The following CADM2 variants were observed in gnomAD, a reference collection of about 807,000 sequenced individuals.
CADM2 encodes the protein immunoglobulin superfamily member 4D.
A neutral mutation model predicts 49.8 loss-of-function variants in CADM2; 12 were observed. That is an observed-to-expected ratio of 0.24 (90% confidence interval 0.15 to 0.39). CADM2 has a LOEUF of 0.39. CADM2 is among the 10% of genes least tolerant of loss of function. The pLI is 1.00. For synonymous variants in CADM2, 214 were observed against 175.4 expected (o/e 1.22, Z -1.74); for missense variants, 378 against 492.3 (o/e 0.77, Z 2.20).
At chr3:85,660,440 GTTT>G (rs10713157) in intron 1 of CADM2, among the ~76,000 whole-genome samples, 4 of 143,094 alleles carry the variant, frequency 2.8e-5, no homozygotes, top group Admixed American at 7.0e-5. Context: ...TCGCTCTCCT[GTTT>G]TTTTTTTTTT....
intron 1 of CADM2, among the ~76,000 whole-genome samples, chr3:85,014,530 G>C (rs1391714665): frequency 6.6e-6 from 1 of 152,140 alleles, no homozygotes; most frequent in African/African-American, 2.4e-5. Flanking sequence ...GCATCTCCTG[G>C]AGGGTTTGGA....
At chr3:85,187,698 G>A (rs900248904) in intron 1 of CADM2, among the ~76,000 whole-genome samples, 2 of 151,994 alleles carry the variant, frequency 1.3e-5, no homozygotes, top group Admixed American at 6.6e-5. Flanking sequence ...AAATGTCAAC[G>A]TGGATTTTTA....
rs186591242 is a variant in CADM2, at chr3:85,874,062, G to A, written c.239-9229G>A. Among the ~76,000 whole-genome samples the A allele has an allele frequency of 4.0e-4, 61 of 152,032 alleles. No individual in the cohort carries two copies. The East Asian group carries it at 0.011, about 27-fold the overall frequency. Reference sequence around the variant, plus strand: ...ATTATTTTAATATTTTTATTCTTATGCCTACGTTTTAAAAATATAAAAGAG... The same window carrying A: ...ATTATTTTAATATTTTTATTCTTATACCTACGTTTTAAAAATATAAAAGAG... On this transcript the variant is annotated intron_variant, in intron 3 of 9. Coordinates refer to ENST00000383699, the MANE Select transcript of CADM2 (RefSeq NM_001167675.2).
chr3:85,037,221 G>C (rs1221449204), intron 1 of CADM2, among the ~76,000 whole-genome samples: 1 of 152,168 alleles, frequency 6.6e-6, no homozygotes, highest in Non-Finnish European at 1.5e-5. Flanking sequence ...TGTCATTGTA[G>C]TGTTGGCTGT....
intron 1 of CADM2, among the ~76,000 whole-genome samples, chr3:85,642,210 A>G (rs1330288504): frequency 1.3e-5 from 2 of 152,194 alleles, no homozygotes; most frequent in African/African-American, 2.4e-5. Flanking sequence ...AGTTTTGAGT[A>G]AACTAGTTAT....
chr3:85,198,597 A>G (rs1174039953), intron 1 of CADM2, among the ~76,000 whole-genome samples: 1 of 151,820 alleles, frequency 6.6e-6, no homozygotes, highest in Non-Finnish European at 1.5e-5. Context: ...CTTATCTTCA[A>G]AGGTGATATT....
intron 1 of CADM2, among the ~76,000 whole-genome samples, chr3:85,307,617 G>T (rs976041081): frequency 1.3e-4 from 20 of 151,528 alleles, no homozygotes; most frequent in Non-Finnish European, 3.0e-4. Context: ...TTTGTTCTTT[G>T]TTAAGATAAT....
intron 1 of CADM2, among the ~76,000 whole-genome samples, chr3:84,978,757 G>GAATT (rs1465564625): frequency 6.6e-6 from 1 of 152,078 alleles, no homozygotes; most frequent in Non-Finnish European, 1.5e-5. Context: ...AATTATAACT[G>GAATT]AATTATATGA....
At chr3:85,378,226 A>G (rs543915286) in intron 1 of CADM2, among the ~76,000 whole-genome samples, 2 of 152,140 alleles carry the variant, frequency 1.3e-5, no homozygotes, top group Admixed American at 6.6e-5. Context: ...TCTTACTTGG[A>G]CCAGGTCTCT....
chr3:85,458,862 T>C (rs1244617917), intron 1 of CADM2, among the ~76,000 whole-genome samples: 3 of 152,098 alleles, frequency 2.0e-5, no homozygotes, highest in Non-Finnish European at 4.4e-5. Context: ...GAAAGGAACA[T>C]AGTATTAAAA....
At chr3:85,883,816 G>T (rs1364359814) in intron 4 of CADM2, among the ~76,000 whole-genome samples, 1 of 152,108 alleles carries the variant, frequency 6.6e-6, no homozygotes, top group African/African-American at 2.4e-5. Context: ...AGTTCAACTT[G>T]TGTTCTATAC....
chr3:85,153,588 C>A (rs1200906542), intron 1 of CADM2, among the ~76,000 whole-genome samples: 1 of 152,196 alleles, frequency 6.6e-6, no homozygotes, highest in Non-Finnish European at 1.5e-5. Context: ...GAGCCCACCA[C>A]AGCTCAAGGA....
At chr3:86,015,605 G>A (rs1338157067) in intron 8 of CADM2, among the ~76,000 whole-genome samples, 2 of 152,174 alleles carry the variant, frequency 1.3e-5, no homozygotes, top group Non-Finnish European at 2.9e-5. Context: ...AAAAGCTTGT[G>A]AGCTCGCCAA....
intron 1 of CADM2, among the ~76,000 whole-genome samples, chr3:85,541,062 G>T (rs937022291): frequency 6.6e-6 from 1 of 151,024 alleles, no homozygotes; most frequent in African/African-American, 2.4e-5. Flanking sequence ...GGAGGTGAGG[G>T]GTACAATTCA....
At chr3:85,663,605 A>G (rs1354295130) in intron 1 of CADM2, among the ~76,000 whole-genome samples, 1 of 151,950 alleles carries the variant, frequency 6.6e-6, no homozygotes, top group Non-Finnish European at 1.5e-5. Context: ...AACTCCTTCA[A>G]TTTTGTATGG....
chr3:85,323,994 C>T (rs769532969), intron 1 of CADM2, among the ~76,000 whole-genome samples: 99 of 152,164 alleles, frequency 6.5e-4, no homozygotes, highest in Non-Finnish European at 1.2e-3. Flanking sequence ...GGCTAGTGTG[C>T]GGAAGACAAG....
chr3:85,671,649 C>G (rs2065740010), intron 1 of CADM2, among the ~76,000 whole-genome samples: 1 of 152,078 alleles, frequency 6.6e-6, no homozygotes, highest in Non-Finnish European at 1.5e-5. Flanking sequence ...GGCCTTTTTC[C>G]TAGCTCTTAA....
At chr3:85,980,879 C>CA (rs1203030201) in intron 8 of CADM2, among the ~76,000 whole-genome samples, 1 of 151,262 alleles carries the variant, frequency 6.6e-6, no homozygotes, top group East Asian at 1.9e-4. Flanking sequence ...ATTTGTAACA[C>CA]AAAAATCTAA....
At chr3:85,409,794 T>G (rs1173187835) in intron 1 of CADM2, among the ~76,000 whole-genome samples, 2 of 152,062 alleles carry the variant, frequency 1.3e-5, no homozygotes, top group Non-Finnish European at 2.9e-5. Flanking sequence ...TGTCACTAGA[T>G]GTGAAAGATG....
Sources: gnomAD v4.1 joint callset for allele counts (sites outside exome capture counted in the v4.1 genomes callset) on GRCh38, gnomAD v4.1.1 for gene constraint, MANE v1.5 for transcripts, NCBI Gene and HGNC (gene_info 2026-07-23, HGNC 2026-07-21) for gene names.